Variants in DOCK3 observed in about 807,000 individuals in gnomAD.
DOCK3 encodes the protein dedicator of cytokinesis 3.
In DOCK3, 60 loss-of-function variants were observed where a neutral mutation model predicts 265.6. The observed-to-expected ratio is 0.23, with a 90% CI of 0.18 to 0.28. The LOEUF is 0.28. DOCK3 is among the 10% of genes least tolerant of loss of function. The probability of loss-of-function intolerance (pLI) is 1.00; values close to 1 mark genes in which losing one functional copy is unlikely to be tolerated. For missense variants in DOCK3, 1,981 were observed against 2,594.3 expected (o/e 0.76, Z 5.14); for synonymous variants, 881 against 938.0 (o/e 0.94, Z 1.11).
At position 51,226,524 on chromosome 3, in the gene DOCK3, C is replaced by G. The variant is rs151057539; in HGVS notation, c.1377+751C>G. 1.6e-3 allele frequency among the ~76,000 whole-genome samples: 248 copies of G among 152,260 alleles called. 1 individual carries two copies. The highest frequency in any genetic ancestry group is 6.5e-3 in the Admixed American group (100 of 15,296). On this transcript the variant is annotated intron_variant, in intron 15 of 52. Coordinates refer to ENST00000266037, the MANE Select transcript of DOCK3 (RefSeq NM_004947.5). ...GTCAAAATCATTTCCCAAATCAAGACAGAAATAGAGGAGAATGTTGAAATA... is the reference window on the plus strand; with the variant it reads ...GTCAAAATCATTTCCCAAATCAAGAGAGAAATAGAGGAGAATGTTGAAATA...
intron 27 of DOCK3, 41 bp from the exon 28 acceptor site, chr3:51,310,191 T>C (rs1560409491): frequency 6.0e-6 from 9 of 1,510,016 alleles, no homozygotes; most frequent in Non-Finnish European, 7.2e-6. Flanking sequence ...AGATGCATAT[T>C]GTGGTGGTGG....
intron 12 of DOCK3, among the ~76,000 whole-genome samples, chr3:51,186,673 G>T (rs2087621727): frequency 6.6e-6 from 1 of 152,184 alleles, no homozygotes; most frequent in South Asian, 2.1e-4. Flanking sequence ...CACACTGTGT[G>T]CAGCCTAGGG....
intron 51 of DOCK3, chr3:51,379,505 CCCTT>C (rs1294686108): frequency 1.0e-6 from 1 of 985,486 alleles, no homozygotes; most frequent in African/African-American, 1.7e-5. Context: ...AGAGGCCCAG[CCCTT>C]CCTGTCTGCC....
intron 27 of DOCK3, among the ~76,000 whole-genome samples, chr3:51,309,913 G>T (rs1329256043): frequency 6.6e-6 from 1 of 152,248 alleles, no homozygotes; most frequent in Admixed American, 6.5e-5. Context: ...GACTCAGTCG[G>T]ACACCAGTTT....
intron 1 of DOCK3, chr3:50,685,851 G>C (rs919359227): frequency 6.2e-6 from 1 of 160,398 alleles, no homozygotes; most frequent in Non-Finnish European, 1.4e-5. Flanking sequence ...GGGGGGCAGT[G>C]GTGTCTCCAA....
At chr3:51,195,109 G>A (rs1461460992) in intron 12 of DOCK3, among the ~76,000 whole-genome samples, 1 of 152,138 alleles carries the variant, frequency 6.6e-6, no homozygotes, top group Admixed American at 6.5e-5. Flanking sequence ...ACAGGCATGA[G>A]CCACTGCGCC....
intron 44 of DOCK3, 50 bp downstream of exon 44, chr3:51,357,191 G>A: frequency 6.4e-7 from 1 of 1,572,596 alleles, no homozygotes; most frequent in Non-Finnish European, 8.6e-7. Flanking sequence ...GGCCAGGAAG[G>A]CGGCTCACAG....
chr3:50,728,594 G>C (rs1308866917), intron 1 of DOCK3, among the ~76,000 whole-genome samples: 1 of 152,106 alleles, frequency 6.6e-6, no homozygotes, highest in Admixed American at 6.5e-5. Context: ...AGACATGTTT[G>C]TAATGAAAGT....
intron 9 of DOCK3, among the ~76,000 whole-genome samples, chr3:51,094,034 G>A (rs2082732896): frequency 6.6e-6 from 1 of 152,150 alleles, no homozygotes; most frequent in Non-Finnish European, 1.5e-5. Context: ...GATCATGGTG[G>A]ATAAGCTTTT....
intron 12 of DOCK3, among the ~76,000 whole-genome samples, chr3:51,187,357 G>C (rs923024897): frequency 1.3e-5 from 2 of 152,206 alleles, no homozygotes; most frequent in Admixed American, 6.5e-5. Flanking sequence ...CCCAAAGCCT[G>C]TACCCCCATT....
intron 5 of DOCK3, among the ~76,000 whole-genome samples, chr3:50,998,989 A>G (rs2078378388): frequency 6.6e-6 from 1 of 152,198 alleles, no homozygotes. Context: ...GTTCTTCTAA[A>G]TTTTATTAAA....
intron 9 of DOCK3, among the ~76,000 whole-genome samples, chr3:51,113,923 G>C (rs2083625438): frequency 6.6e-6 from 1 of 152,012 alleles, no homozygotes; most frequent in African/African-American, 2.4e-5. Flanking sequence ...ATCAGCCTGG[G>C]CAACAAGCAA....
At chr3:51,006,497 T>C (rs1188775358) in intron 5 of DOCK3, among the ~76,000 whole-genome samples, 2 of 152,210 alleles carry the variant, frequency 1.3e-5, no homozygotes, top group East Asian at 1.9e-4. Flanking sequence ...ATTCTTAACC[T>C]GGAAGTTGCC....
chr3:51,237,279 C>T (rs959055490), intron 20 of DOCK3, among the ~76,000 whole-genome samples: 1 of 152,030 alleles, frequency 6.6e-6, no homozygotes, highest in African/African-American at 2.4e-5. Context: ...CTGATGAGCC[C>T]GGGTCTGAAT....
intron 1 of DOCK3, among the ~76,000 whole-genome samples, chr3:50,693,020 G>T (rs1291362881): frequency 6.6e-6 from 1 of 152,138 alleles, no homozygotes; most frequent in Admixed American, 6.6e-5. Flanking sequence ...CACCATGGTC[G>T]AGTATCATTT....
At chr3:51,192,598 A>C (rs959214691) in intron 12 of DOCK3, among the ~76,000 whole-genome samples, 1 of 152,024 alleles carries the variant, frequency 6.6e-6, no homozygotes, top group Admixed American at 6.5e-5. Flanking sequence ...ACCATTCCTC[A>C]TTCTACATCA....
chr3:50,705,348 G>A (rs2036337255), intron 1 of DOCK3, among the ~76,000 whole-genome samples: 1 of 152,028 alleles, frequency 6.6e-6, no homozygotes, highest in South Asian at 2.1e-4. Flanking sequence ...TTGGATCCTG[G>A]GGCAGTTCCC....
chr3:51,191,914 ATAT>A (rs1040851280), intron 12 of DOCK3, among the ~76,000 whole-genome samples: 2 of 151,326 alleles, frequency 1.3e-5, no homozygotes, highest in African/African-American at 4.8e-5. Flanking sequence ...TAGTTTGGAA[ATAT>A]TAGTCCCTTG....
chr3:51,141,192 CTTT>C (rs59473694), intron 9 of DOCK3, among the ~76,000 whole-genome samples: 21 of 144,288 alleles, frequency 1.5e-4, no homozygotes, highest in African/African-American at 4.0e-4. Flanking sequence ...TATTTTCTTT[CTTT>C]TTTTTTTTTT....
Sources: allele counts gnomAD v4.1 joint callset (sites outside exome capture counted in the v4.1 genomes callset), GRCh38; gene constraint gnomAD v4.1.1; transcripts MANE v1.5; gene names NCBI Gene and HGNC (gene_info 2026-07-23, HGNC 2026-07-21).